MRPS10: variants seen among roughly 807,000 people sequenced by gnomAD.
MRPS10 encodes small ribosomal subunit protein uS10m.
Under a neutral mutation model 27.5 loss-of-function variants are expected in MRPS10, and 23 were observed. The observed-to-expected ratio is 0.84, with a 90% confidence interval of 0.60 to 1.18. The LOEUF (loss-of-function observed/expected upper bound fraction) is 1.18. Ranked by LOEUF, MRPS10 falls within the 50% of genes most tolerant of loss-of-function variation. The pLI is 0.00. For synonymous variants in MRPS10, 88 were observed against 84.2 expected (o/e 1.04, Z -0.25); for missense variants, 237 against 240.1 (o/e 0.99, Z 0.09).
rs747559995 is a variant in MRPS10 at position 42,214,154 on chromosome 6, T to C, written c.152A>G (p.His51Arg). ...GGTCAAATCCTTTGGAACATCAACGTGTAGGTTTGAAAACTGTACCCACTT... is the reference window on the plus strand; with the variant it reads ...GGTCAAATCCTTTGGAACATCAACGCGTAGGTTTGAAAACTGTACCCACTT... ...NMKWVQFSNL[H>R]VDVPKDLTKP... Residue 51 changes from histidine to arginine, a missense_variant, in exon 3 of 7, where the codon CAC (histidine) becomes CGC (arginine). This residue lies in a region of MRPS10 where 164 missense variants were observed against 137.8 expected (regional missense o/e 1.19). Coordinates refer to ENST00000053468, the MANE Select transcript of MRPS10 (RefSeq NM_018141.4). The C allele has an allele frequency of 3.8e-5, 62 of 1,613,254 alleles. No individual in the cohort carries two copies. The highest frequency in any genetic ancestry group is 5.0e-5 in the Non-Finnish European group (59 of 1,179,706).
intron 6 of MRPS10, 92 bp from the exon 7 acceptor site, chr6:42,208,464 C>T (rs1562070828): frequency 1.0e-6 from 1 of 963,024 alleles, no homozygotes; most frequent in Non-Finnish European, 1.6e-6. Context: ...ATCCTCTTTA[C>T]TTCTTTTTCT....
chr6:42,209,500 C>G (rs1003110363), intron 5 of MRPS10, among the ~76,000 whole-genome samples: 8 of 151,984 alleles, frequency 5.3e-5, no homozygotes, highest in Non-Finnish European at 1.2e-4. Context: ...GTAATCCCAG[C>G]ACTTTGGGAG....
At position 42,217,820 on chromosome 6, in the gene MRPS10, CA is replaced by C; in HGVS notation, c.29del (p.Val10GlyfsTer14). On this transcript the variant is annotated frameshift_variant, in exon 1 of 7. Coordinates refer to ENST00000053468, the MANE Select transcript of MRPS10 (RefSeq NM_018141.4). LOFTEE classifies it high-confidence loss of function. MAARTAFGA[V>X]CRRLWQGLGN... ...CCAGTACCTGCCAGAGGCGCCGGCA[CA>C]CAGCACCGAACGCTGTCCGCGCCGC... The C allele has an allele frequency of 6.2e-7, 1 of 1,614,194 alleles. No homozygotes were observed. The highest frequency in any genetic ancestry group is 8.5e-7 in the Non-Finnish European group (1 of 1,180,014).
At position 42,217,828 on chromosome 6, in the gene MRPS10, C is replaced by T. The variant is rs761467321; in HGVS notation, c.22G>A (p.Gly8Ser). MAARTAF[G>S]AVCRRLWQGL... ...TGCCAGAGGCGCCGGCACACAGCAC[C>T]GAACGCTGTCCGCGCCGCCATCTTG... Residue 8 changes from glycine to serine, a missense_variant, in exon 1 of 7, where the codon GGT (glycine) becomes AGT (serine). This residue lies in a region of MRPS10 where 164 missense variants were observed against 137.8 expected (regional missense o/e 1.19). Transcript: ENST00000053468. 7 of 1,614,024 alleles carry T rather than the reference C, an allele frequency of 4.3e-6. No individual in the cohort carries two copies. The highest frequency in any genetic ancestry group is 3.4e-6 in the Non-Finnish European group (4 of 1,180,016).
At chr6:42,209,215 C>T (rs1308520108) in intron 5 of MRPS10, among the ~76,000 whole-genome samples, 1 of 99,440 alleles carries the variant, frequency 1.0e-5, no homozygotes, top group East Asian at 6.4e-4. Flanking sequence ...CCAGGCTGGC[C>T]TCAAACTCCT....
At chr6:42,215,010 C>T (rs1465407319) in intron 1 of MRPS10, among the ~76,000 whole-genome samples, 2 of 152,176 alleles carry the variant, frequency 1.3e-5, no homozygotes, top group Non-Finnish European at 2.9e-5. Flanking sequence ...CATATAACAG[C>T]TGTTTTTTCC....
In MRPS10 at chr6:42,211,825, A is replaced by G. The variant is rs1326464863; in HGVS notation, c.279T>C (p.Tyr93=). ...GTTCTTTAGCAGCAAGCACAGCAAA[A>G]TATTCATAACTGTCCAATACAGCCT... ...HDKAVLDSYE[Y]FAVLAAKELG... is the part of the protein sequence containing the mutation. The change falls in exon 4 of 7, where the codon TAT becomes TAC. Residue 93 remains tyrosine (Y), a synonymous_variant. Transcript: ENST00000053468. 6.2e-7 allele frequency: 1 copy of G among 1,614,058 alleles called. No homozygotes were observed. The highest frequency in any genetic ancestry group is 1.7e-5 in the Admixed American group (1 of 59,994).
intron 1 of MRPS10, among the ~76,000 whole-genome samples, chr6:42,215,535 TCCCACCCCAGTCTCCCAGATAG>T (rs1768901963): frequency 6.6e-6 from 1 of 151,908 alleles, no homozygotes; most frequent in South Asian, 2.1e-4. Flanking sequence ...CAGGTGGTCC[TCCCACCCCAGTCTCCCAGATAG>T]CTGGGACTAC....
chr6:42,211,431 AG>A (rs1218801434), intron 4 of MRPS10, among the ~76,000 whole-genome samples: 1 of 152,192 alleles, frequency 6.6e-6, no homozygotes, highest in Non-Finnish European at 1.5e-5. Flanking sequence ...CTGTAATCCC[AG>A]CACTTTGGGA....
At position 42,208,934 on chromosome 6, in the gene MRPS10, G is replaced by A. The variant is rs763083658; in HGVS notation, c.446C>T (p.Thr149Ile). The change falls in exon 6 of 7, where the codon ACT (threonine) becomes ATT (isoleucine). Residue 149 changes from threonine (T) to isoleucine (I), a missense_variant. Thr to Ile is a moderately conservative substitution (Grantham distance 89). Coordinates refer to ENST00000053468, the MANE Select transcript of MRPS10 (RefSeq NM_018141.4). ...LYRCLELEHL[T>I]GSTADVYLEY... ...CAAGTAGACATCTGCTGTGCTTCCA[G>A]TTAGATGTTCTAACTAAAACATCAA... 5.0e-6 allele frequency: 8 copies of A among 1,606,118 alleles called. No homozygotes were observed. Among genetic ancestry groups the A allele is most frequent in the Non-Finnish European group, 6.8e-6 (8 of 1,174,410 alleles).
intron 1 of MRPS10, among the ~76,000 whole-genome samples, chr6:42,215,870 C>T (rs1446250203): frequency 6.6e-6 from 1 of 152,102 alleles, no homozygotes; most frequent in Non-Finnish European, 1.5e-5. Flanking sequence ...GAGGTATGTG[C>T]CATTCTTCAG....
intron 4 of MRPS10, 55 bp downstream of exon 4, chr6:42,211,726 C>T: frequency 1.3e-6 from 2 of 1,500,382 alleles, no homozygotes; most frequent in Non-Finnish European, 1.8e-6. Flanking sequence ...CACTATTTTC[C>T]TGGTTGATCA....
intron 4 of MRPS10, 44 bp downstream of exon 4, chr6:42,211,737 T>TATTACAGC (rs1194427703): frequency 3.9e-6 from 6 of 1,535,970 alleles, no homozygotes; most frequent in Middle Eastern, 1.8e-4. Flanking sequence ...TGGTTGATCA[T>TATTACAGC]ATTACAGCAG....
chr6:42,210,521 C>T lies in MRPS10; in HGVS notation c.399G>A (p.Gln133=). The T allele has an allele frequency of 2.6e-6, 4 of 1,530,154 alleles. No individual in the cohort carries two copies. Among genetic ancestry groups the T allele is most frequent in the Non-Finnish European group, 3.6e-6 (4 of 1,126,378 alleles). The allele number at this position is 1,530,154 out of a possible 1,614,324, so 94.8% of individuals were successfully genotyped here. ...ATCTGTAAAGTGTTCTCATTTCATA[C>T]TGAACTCTGTGCTTCTTGTAAATAT... ...SVHIYKKHRV[Q]YEMRTLYRCL... is the part of the protein sequence containing the mutation. The change falls in exon 5 of 7, where the codon CAG becomes CAA. Residue 133 remains glutamine (Q), a synonymous_variant. Transcript: ENST00000053468.
chr6:42,214,476 T>G, intron 1 of MRPS10, 132 bp from the exon 2 acceptor site: 1 of 520,060 alleles, frequency 1.9e-6, no homozygotes, highest in South Asian at 3.0e-5. Context: ...AATGGCCAAA[T>G]TAGATTGAAA....
intron 5 of MRPS10, among the ~76,000 whole-genome samples, chr6:42,209,429 G>A (rs1385815688): frequency 6.6e-6 from 1 of 151,802 alleles, no homozygotes; most frequent in Admixed American, 6.6e-5. Context: ...GACAAAGATG[G>A]ATAAAATTTG....
At chr6:42,212,700 T>C (rs1351886277) in intron 3 of MRPS10, among the ~76,000 whole-genome samples, 4 of 152,186 alleles carry the variant, frequency 2.6e-5, no homozygotes, top group Non-Finnish European at 5.9e-5. Context: ...AATCCAATGA[T>C]TCAGAGTTAA....
chr6:42,211,576 G>A (rs548342502), intron 4 of MRPS10, among the ~76,000 whole-genome samples: 1 of 151,632 alleles, frequency 6.6e-6, no homozygotes, highest in African/African-American at 2.4e-5. Context: ...AGCTATTCGG[G>A]AGGCTGAGAA....
At chr6:42,209,878 A>T (rs1407569695) in intron 5 of MRPS10, among the ~76,000 whole-genome samples, 1 of 152,014 alleles carries the variant, frequency 6.6e-6, no homozygotes, top group Non-Finnish European at 1.5e-5. Flanking sequence ...TTTACCAATC[A>T]CTTACTATGT....
Sources: gnomAD v4.1 joint callset for allele counts (sites outside exome capture counted in the v4.1 genomes callset) on GRCh38, gnomAD v4.1.1 for gene constraint, gnomAD v4.1.1 regional missense constraint, MANE v1.5 for transcripts, NCBI Gene and HGNC (gene_info 2026-07-23, HGNC 2026-07-21) for gene names.